CYP27C1: variants seen among roughly 807,000 people sequenced by gnomAD.
CYP27C1 encodes the protein cytochrome P450 27C1.
CYP27C1 carries 29 observed loss-of-function variants against 40.6 expected under a neutral mutation model. The ratio of observed to expected loss-of-function variants is 0.71; its 90% CI spans 0.53 to 0.97. The LOEUF is 0.97. Among genes scored for constraint, CYP27C1 ranks in the 50% least tolerant of loss-of-function variants. The probability of loss-of-function intolerance (pLI) is 0.00; values close to 1 mark genes in which losing one functional copy is unlikely to be tolerated. For missense variants in CYP27C1, 390 were observed against 485.8 expected (o/e 0.80, Z 1.85); for synonymous variants, 198 against 186.8 (o/e 1.06, Z -0.49).
rs112099461 is a variant in CYP27C1, at chr2:127,204,625, G to GAAAGAAAGAAAGAAAGAAAGAAAGAAAGA, written c.474-1055_474-1054insTCTTTCTTTCTTTCTTTCTTTCTTTCTTT. On this transcript the variant is annotated intron_variant, in intron 2 of 8. Coordinates refer to ENST00000664447, the MANE Select transcript of CYP27C1 (RefSeq NM_001367502.1). Reference sequence around the variant, plus strand: ...AGAAAGAAAGAAAGAAAGAAAGAAAGAAGACTGCAGCTTGTTACCAGGGTG... The same window carrying GAAAGAAAGAAAGAAAGAAAGAAAGAAAGA: ...AGAAAGAAAGAAAGAAAGAAAGAAAGAAAGAAAGAAAGAAAGAAAGAAAGAAAGAAAGACTGCAGCTTGTTACCAGGGTG... 1.6e-4 allele frequency among the ~76,000 whole-genome samples: 15 copies of GAAAGAAAGAAAGAAAGAAAGAAAGAAAGA among 94,272 alleles called. 1 individual carries two copies. The highest frequency in any genetic ancestry group is 5.0e-4 in the African/African-American group (12 of 24,146). 61.8% of individuals were successfully genotyped at this position (94,272 alleles called of 152,430 possible).
Position 127,195,387 on chromosome 2 carries a change from C to T in CYP27C1, c.1162G>A (p.Ala388Thr). 6.2e-7 allele frequency: 1 copy of T among 1,614,178 alleles called. No homozygotes were observed. Among genetic ancestry groups the T allele is most frequent in the Non-Finnish European group, 8.5e-7 (1 of 1,180,024 alleles). ...NLGERHVPTAADVPKVPLVRA... is the reference protein window; with the variant it reads ...NLGERHVPTATDVPKVPLVRA... ...ACCAGCGGGACCTTGGGGACATCAG[C>T]TGCAGTTGGAACATGCCTTTCCCCT... is the stretch of plus-strand genomic sequence containing the variant. The change falls in exon 6 of 9, where the codon GCT (alanine) becomes ACT (threonine). Residue 388 changes from alanine to threonine, a missense_variant. Ala to Thr is a moderately conservative substitution (Grantham distance 58). Transcript: ENST00000664447. The surrounding 1 kb of genome is among the most constrained non-coding windows in gnomAD (Gnocchi z 6.2).
rs761337472 is a variant in CYP27C1 at position 127,193,149 on chromosome 2, C to T, written c.1442G>A (p.Arg481His). The part of the protein sequence containing the change: ...FGSIPFGHGV[R>H]SCIGRRIAEL... ...TGCAATTCTCCGCCCTATGCAGCTG[C>T]GAACCCCATGACCAAAGGGGATGGA... Residue 481 changes from arginine to histidine, a missense_variant, in exon 8 of 9, where the codon CGC (arginine) becomes CAC (histidine). By Grantham distance (29) the Arg-to-His change is conservative (BLOSUM62 0). Coordinates refer to ENST00000664447, the MANE Select transcript of CYP27C1 (RefSeq NM_001367502.1). 2.8e-5 allele frequency: 46 copies of T among 1,614,190 alleles called. No individual in the cohort carries two copies. The highest frequency in any genetic ancestry group is 3.6e-5 in the Non-Finnish European group (42 of 1,180,030).
In CYP27C1 at chr2:127,196,107, G is replaced by A. The variant is rs1682898357; in HGVS notation, c.1048-606C>T. The stretch of plus-strand genomic sequence containing the variant: ...AGACGGAGTCTCGCTCTGTCGCCCA[G>A]GCTGGAATGCAGTGACGCGATCTCG... On this transcript the variant is annotated intron_variant, in intron 5 of 8. Transcript: ENST00000664447. The surrounding 1 kb of genome is among the most constrained non-coding windows in gnomAD (Gnocchi z 4.5). Among the ~76,000 whole-genome samples the A allele has an allele frequency of 6.6e-6, 1 of 151,794 alleles. No individual in the cohort carries two copies. The highest frequency in any genetic ancestry group is 1.9e-4 in the East Asian group (1 of 5,180).
At position 127,193,055 on chromosome 2, in the gene CYP27C1, G is replaced by A. The variant is rs765256901; in HGVS notation, c.1497+39C>T. The A allele has an allele frequency of 2.5e-6, 4 of 1,608,846 alleles. No individual in the cohort carries two copies. In the Admixed American group the frequency reaches 6.8e-5, roughly 27 times the overall value. On this transcript the variant is annotated intron_variant, in intron 8 of 8. Transcript: ENST00000664447. ...ATCCTGTTGTGCCCAGTAGAAAGAG[G>A]CCGAACCCAAAGGCCAACGTTTGGC...
chr2:127,216,544 G>GT (rs1683433731), intron 1 of CYP27C1, among the ~76,000 whole-genome samples: 1 of 152,154 alleles, frequency 6.6e-6, no homozygotes, highest in African/African-American at 2.4e-5. Context: ...TTAAAGCAGG[G>GT]GGAATAGGAG....
Position 127,186,951 on chromosome 2 carries a change from G to A in CYP27C1, c.*320C>T. 4.6e-6 allele frequency: 1 copy of A among 216,714 alleles called. No individual in the cohort carries two copies. The highest frequency in any genetic ancestry group is 9.2e-6 in the Non-Finnish European group (1 of 108,932). 13.4% of individuals were successfully genotyped at this position (216,714 alleles called of 1,614,324 possible). A position where few individuals can be genotyped will look rare whatever the true frequency, so the allele number is the denominator to read the frequency against. ...AGTAAACCACCATTTCCCTGTACAA[G>A]TAAATGCACAGGATACTGCCAGTCA... On this transcript the variant is annotated 3_prime_UTR_variant, in exon 9 of 9. Coordinates refer to ENST00000664447, the MANE Select transcript of CYP27C1 (RefSeq NM_001367502.1). The surrounding 1 kb of genome is among the most constrained non-coding windows in gnomAD (Gnocchi z 4.5).
intron 5 of CYP27C1, among the ~76,000 whole-genome samples, chr2:127,198,933 C>A (rs78072977): frequency 6.6e-6 from 1 of 152,228 alleles, no homozygotes; most frequent in Non-Finnish European, 1.5e-5. Context: ...CTGGAGCCCC[C>A]CAGCAGTGCA....
At chr2:127,211,443 C>T (rs1204053994) in intron 1 of CYP27C1, among the ~76,000 whole-genome samples, 2 of 135,678 alleles carry the variant, frequency 1.5e-5, no homozygotes, top group Non-Finnish European at 3.0e-5. Context: ...ACTGCAGTGG[C>T]GCTATCTTGG....
At chr2:127,211,677 G>A (rs1345227544) in intron 1 of CYP27C1, among the ~76,000 whole-genome samples, 2 of 152,020 alleles carry the variant, frequency 1.3e-5, no homozygotes, top group South Asian at 2.1e-4. Context: ...GAGCCACTGC[G>A]CCCGGCCTAA....
chr2:127,193,195 C>T lies in CYP27C1; in HGVS notation c.1396G>A (p.Asp466Asn). Residue 466 changes from aspartate to asparagine, a missense_variant, in exon 8 of 9, where the codon GAT becomes AAT. Transcript: ENST00000664447. ...ATGGATCCAAAATTGTCAACTCTAT[C>T]TAAGTCTCCTTTCCGCAGCCAGCGC... ...PERWLRKGDL[D>N]RVDNFGSIPF... 6.2e-7 allele frequency: 1 copy of T among 1,614,212 alleles called. No homozygotes were observed. Among genetic ancestry groups the T allele is most frequent in the Non-Finnish European group, 8.5e-7 (1 of 1,180,032 alleles).
chr2:127,199,278 C>T (rs1269400462), intron 5 of CYP27C1, 98 bp downstream of exon 5: 40 of 1,499,228 alleles, frequency 2.7e-5, no homozygotes, highest in Non-Finnish European at 3.4e-5. Flanking sequence ...TAGAGTAAAA[C>T]TCCATCCTCC....
Position 127,209,855 on chromosome 2 carries a change from A to G in CYP27C1, c.283-3765T>C, listed in dbSNP as rs1683303940. On this transcript the variant is annotated intron_variant, in intron 1 of 8. Coordinates refer to ENST00000664447, the MANE Select transcript of CYP27C1 (RefSeq NM_001367502.1). This position sits in a 1 kb window ranked among gnomAD's most constrained non-coding sequence, Gnocchi z 4.1. ...GGAATAAACAAAGCCTCAAAGAAATATGGGACTTCATAAAAACAGCAAACC... is the reference window on the plus strand; with the variant it reads ...GGAATAAACAAAGCCTCAAAGAAATGTGGGACTTCATAAAAACAGCAAACC... Among the ~76,000 whole-genome samples the G allele has an allele frequency of 6.6e-6, 1 of 152,238 alleles. No individual in the cohort carries two copies. The highest frequency in any genetic ancestry group is 2.4e-5 in the African/African-American group (1 of 41,472).
At chr2:127,199,290 G>C (rs763427735) in intron 5 of CYP27C1, 86 bp downstream of exon 5, 6 of 1,525,834 alleles carry the variant, frequency 3.9e-6, no homozygotes, top group Non-Finnish European at 5.3e-6. Flanking sequence ...CCATCCTCCC[G>C]CTCCAAAAAA....
chr2:127,198,511 G>C (rs1682958001), intron 5 of CYP27C1, among the ~76,000 whole-genome samples: 1 of 151,350 alleles, frequency 6.6e-6, no homozygotes, highest in Admixed American at 6.6e-5. Flanking sequence ...ATGGAATTTT[G>C]GTTATGCTTT....
In CYP27C1 at chr2:127,186,754, A is replaced by G. The variant is rs992364312; in HGVS notation, c.*517T>C. 6.6e-6 allele frequency: 1 copy of G among 152,670 alleles called. No homozygotes were observed. The highest frequency in any genetic ancestry group is 2.4e-5 in the African/African-American group (1 of 41,436). 9.5% of individuals were successfully genotyped at this position (152,670 alleles called of 1,614,324 possible). A position where few individuals can be genotyped will look rare whatever the true frequency, so the allele number is the denominator to read the frequency against. On this transcript the variant is annotated 3_prime_UTR_variant, in exon 9 of 9. Transcript: ENST00000664447. This position sits in a 1 kb window ranked among gnomAD's most constrained non-coding sequence, Gnocchi z 4.5. ...GGATCTAAATCTGGTGCTCAGGATA[A>G]AATGTTGCCTCTGGTGCTTTCTTCC...
At chr2:127,193,526 G>A (rs917739666) in intron 7 of CYP27C1, among the ~76,000 whole-genome samples, 4 of 152,170 alleles carry the variant, frequency 2.6e-5, no homozygotes, top group African/African-American at 4.8e-5. Flanking sequence ...GACTCCCAGC[G>A]GTGACTGGCC....
chr2:127,199,315 T>C, intron 5 of CYP27C1, 61 bp downstream of exon 5: 4 of 1,580,974 alleles, frequency 2.5e-6, no homozygotes, highest in Non-Finnish European at 3.4e-6. Flanking sequence ...ACAACGTCCA[T>C]GAGGTGATGA....
In CYP27C1 at chr2:127,193,278, T is replaced by C; in HGVS notation, c.1313A>G (p.His438Arg). 1 of 1,614,128 alleles carries C rather than the reference T, an allele frequency of 6.2e-7. No homozygotes were observed. The highest frequency in any genetic ancestry group is 8.5e-7 in the Non-Finnish European group (1 of 1,180,016). The change falls in exon 8 of 9, where the codon CAC (histidine) becomes CGC (arginine). Residue 438 changes from histidine (H) to arginine (R), a missense_variant. Transcript: ENST00000664447. ...CTCATCCTGGTACGATGTGGCATAG[T>C]GGCAAAGGGCCAGCTGGGTCTGAGG... ...IPKGTQLALC[H>R]YATSYQDENF...
intron 8 of CYP27C1, among the ~76,000 whole-genome samples, chr2:127,190,342 C>T (rs6430929): frequency 0.016 from 1,521 of 96,236 alleles, 2 homozygotes; most frequent in Middle Eastern, 0.053. Context: ...TTTTTTTTTT[C>T]TTTTTTTTTT....
Sources: gnomAD v4.1 joint callset for allele counts (sites outside exome capture counted in the v4.1 genomes callset) on GRCh38, gnomAD v4.1.1 for gene constraint, Gnocchi (gnomAD v3.1) non-coding constraint, MANE v1.5 for transcripts, NCBI Gene and HGNC (gene_info 2026-07-23, HGNC 2026-07-21) for gene names.